CORO2B: variants seen among roughly 807,000 people sequenced by gnomAD.
CORO2B encodes coronin-2B.
CORO2B carries 26 observed loss-of-function variants against 58.8 expected under a neutral mutation model. That is an observed-to-expected ratio of 0.44 (90% CI 0.32 to 0.61). The LOEUF is 0.61. Among genes scored for constraint, CORO2B ranks in the 20% least tolerant of loss-of-function variants. CORO2B has a pLI of 0.04. For synonymous variants in CORO2B, 242 were observed against 253.8 expected, an observed-to-expected ratio of 0.95 and a Z score of 0.44; for missense variants, 460 against 645.1, an observed-to-expected ratio of 0.71 and a Z score of 3.11.
chr15:68,656,174 C>T (rs1179149030), intron 2 of CORO2B, among the ~76,000 whole-genome samples: 2 of 112,538 alleles, frequency 1.8e-5, no homozygotes, highest in South Asian at 3.6e-4. Flanking sequence ...CACCGTCCCC[C>T]CCGCCCCCCG....
the CORO2B span, among the ~76,000 whole-genome samples, chr15:68,560,849 G>A: frequency 6.6e-6 from 1 of 152,174 alleles, no homozygotes; most frequent in African/African-American, 2.4e-5. Context: ...TGCACAACCC[G>A]AGGGGACCAG....
chr15:68,667,622 G>T (rs1268571964), intron 2 of CORO2B, among the ~76,000 whole-genome samples: 10 of 152,220 alleles, frequency 6.6e-5, no homozygotes, highest in Admixed American at 6.5e-4. Context: ...GGAGTGGGAC[G>T]GGTGAGGCCC....
Position 68,645,295 on chromosome 15 carries a change from C to T in CORO2B, c.151C>T (p.Arg51Cys), listed in dbSNP as rs144695697. Residue 51 changes from arginine (R) to cysteine (C), a missense_variant, in exon 2 of 12, where the codon CGC (arginine) becomes TGC (cysteine). This residue lies in a region of CORO2B where 352 missense variants were observed against 543.0 expected (regional missense o/e 0.65). Transcript: ENST00000261861. The surrounding 1 kb of genome is among the most constrained non-coding windows in gnomAD (Gnocchi z 4.5). ...HDNHFCAVNT[R>C]FLAIVTESAG... The stretch of plus-strand genomic sequence containing the variant: ...CAACCACTTCTGTGCCGTCAACACC[C>T]GCTTCCTGGCCATCGTCACCGAGAG... 19 of 1,613,960 alleles carry T rather than the reference C, an allele frequency of 1.2e-5. No individual in the cohort carries two copies. Among genetic ancestry groups the T allele is most frequent in the South Asian group, 3.3e-5 (3 of 91,084 alleles).
intron 2 of CORO2B, among the ~76,000 whole-genome samples, chr15:68,671,485 T>C (rs946707244): frequency 6.6e-6 from 1 of 152,198 alleles, no homozygotes; most frequent in Non-Finnish European, 1.5e-5. Context: ...ATAGAAAATA[T>C]AGCTGTGTTA....
At chr15:68,722,090 T>C (rs1893175800) in intron 11 of CORO2B, among the ~76,000 whole-genome samples, 2 of 152,182 alleles carry the variant, frequency 1.3e-5, no homozygotes, top group South Asian at 2.1e-4. Flanking sequence ...TCTTTGAAGA[T>C]AGAGACACAG....
chr15:68,684,215 C>T (rs1902885194), intron 2 of CORO2B, among the ~76,000 whole-genome samples: 1 of 152,142 alleles, frequency 6.6e-6, no homozygotes, highest in Non-Finnish European at 1.5e-5. Context: ...AGTCTAAAAA[C>T]CCCAGGAGAT....
intron 1 of CORO2B, among the ~76,000 whole-genome samples, chr15:68,580,643 C>T (rs572035512): frequency 6.6e-6 from 1 of 152,216 alleles, no homozygotes; most frequent in East Asian, 1.9e-4. Flanking sequence ...TGTTGTGGCC[C>T]ACCTGGGGTA....
chr15:68,658,052 C>G (rs1238833009), intron 2 of CORO2B, among the ~76,000 whole-genome samples: 2 of 152,252 alleles, frequency 1.3e-5, no homozygotes, highest in African/African-American at 4.8e-5. Flanking sequence ...AGTTAGGAAA[C>G]CTAGCTTCTC....
chr15:68,632,064 G>A (rs1000170283), intron 1 of CORO2B: 1 of 985,344 alleles, frequency 1.0e-6, no homozygotes, highest in Non-Finnish European at 1.2e-6. Flanking sequence ...CAGGCTCCCA[G>A]GCCTCTCAGA....
intron 3 of CORO2B, among the ~76,000 whole-genome samples, chr15:68,697,330 G>A (rs1266176372): frequency 6.6e-6 from 1 of 152,170 alleles, no homozygotes; most frequent in African/African-American, 2.4e-5. Flanking sequence ...GAATGGATAA[G>A]TAAATAGATG....
intron 1 of CORO2B, among the ~76,000 whole-genome samples, chr15:68,608,610 G>C (rs564179570): frequency 2.6e-5 from 4 of 152,310 alleles, no homozygotes; most frequent in African/African-American, 7.2e-5. Context: ...AGAATGATGA[G>C]AGACCTGTGG....
chr15:68,534,916 C>G, the CORO2B span, among the ~76,000 whole-genome samples: 3 of 152,242 alleles, frequency 2.0e-5, no homozygotes, highest in South Asian at 6.2e-4. Flanking sequence ...AGGGGTTTCC[C>G]TTTATAAAAG....
intron 8 of CORO2B, among the ~76,000 whole-genome samples, chr15:68,716,482 T>G (rs971073032): frequency 6.6e-6 from 1 of 152,148 alleles, no homozygotes; most frequent in African/African-American, 2.4e-5. Flanking sequence ...CGAAGTCCAG[T>G]GGCAAATAAA....
chr15:68,686,835 G>T (rs1375938366), intron 2 of CORO2B, among the ~76,000 whole-genome samples: 1 of 151,438 alleles, frequency 6.6e-6, no homozygotes, highest in Admixed American at 6.6e-5. Flanking sequence ...GGCGGCGGAG[G>T]TCACCGTGAG....
At chr15:68,579,507 C>T (rs1264858610) in intron 1 of CORO2B, among the ~76,000 whole-genome samples, 1 of 152,210 alleles carries the variant, frequency 6.6e-6, no homozygotes, top group Non-Finnish European at 1.5e-5. Flanking sequence ...GCCAACATCC[C>T]TCCGCGCCCG....
At chr15:68,547,777 A>G in the CORO2B span, among the ~76,000 whole-genome samples, 1 of 152,254 alleles carries the variant, frequency 6.6e-6, no homozygotes, top group Non-Finnish European at 1.5e-5. Context: ...AAATTACTTT[A>G]CATACAGACA....
chr15:68,549,942 A>AAAAAT, the CORO2B span, among the ~76,000 whole-genome samples: 10 of 147,200 alleles, frequency 6.8e-5, no homozygotes, highest in Non-Finnish European at 8.9e-5. Flanking sequence ...CTATGTCTCA[A>AAAAAT]AAAATAAAAT....
rs115747246 is a variant in CORO2B at position 68,583,018 on chromosome 15, G to C, written c.15+3741G>C. On this transcript the variant is annotated intron_variant, in intron 1 of 11. Transcript: ENST00000261861. ...AAGAGAAGACCTTTCATGCCAACAT[G>C]CTCCTCCCTGCTAAGCAGATAGATT... Among the ~76,000 whole-genome samples, 103 of 152,280 alleles carry C rather than the reference G, an allele frequency of 6.8e-4. 1 individual carries two copies. The highest frequency in any genetic ancestry group is 2.4e-3 in the African/African-American group (100 of 41,550).
intron 3 of CORO2B, among the ~76,000 whole-genome samples, chr15:68,704,510 AACAGAGCTGTCAGACC>A (rs774802429): frequency 6.6e-4 from 100 of 152,278 alleles, no homozygotes; most frequent in Non-Finnish European, 1.1e-3. Flanking sequence ...CCTGCATTCT[AACAGAGCTGTCAGACC>A]ACAAAGCTTC....
Sources: gnomAD v4.1 joint callset for allele counts (sites outside exome capture counted in the v4.1 genomes callset) on GRCh38, gnomAD v4.1.1 for gene constraint, gnomAD v4.1.1 regional missense constraint, Gnocchi (gnomAD v3.1) non-coding constraint, MANE v1.5 for transcripts, NCBI Gene and HGNC (gene_info 2026-07-23, HGNC 2026-07-21) for gene names.